The following SGCZ variants were observed in gnomAD, a reference collection of about 807,000 sequenced individuals.
SGCZ encodes sarcoglycan zeta.
SGCZ carries 40 observed loss-of-function variants against 41.3 expected under a neutral mutation model. That is an observed-to-expected ratio of 0.97 (90% confidence interval 0.75 to 1.26). SGCZ has a LOEUF of 1.26. Ranked by LOEUF, SGCZ falls within the 50% of genes most tolerant of loss-of-function variation. SGCZ has a pLI of 0.00. For missense variants in SGCZ, 552 were observed against 369.8 expected (o/e 1.49, Z -4.04); for synonymous variants, 206 against 137.5 (o/e 1.50, Z -3.49).
intron 1 of SGCZ, among the ~76,000 whole-genome samples, chr8:14,670,031 T>C (rs376424336): frequency 6.6e-6 from 1 of 152,206 alleles, no homozygotes. Context: ...TAAGTTTATA[T>C]CTTTTTCAGC....
intron 3 of SGCZ, among the ~76,000 whole-genome samples, chr8:14,302,071 T>C (rs1365354097): frequency 6.6e-6 from 1 of 152,190 alleles, no homozygotes; most frequent in African/African-American, 2.4e-5. Context: ...GTCTTCTCTT[T>C]CTCTAAGATT....
intron 1 of SGCZ, among the ~76,000 whole-genome samples, chr8:15,134,720 G>C (rs1272157435): frequency 6.6e-6 from 1 of 152,162 alleles, no homozygotes; most frequent in African/African-American, 2.4e-5. Context: ...TGACACACTT[G>C]TGTTTGACAA....
At chr8:15,162,146 T>A (rs1799528800) in intron 1 of SGCZ, among the ~76,000 whole-genome samples, 1 of 152,230 alleles carries the variant, frequency 6.6e-6, no homozygotes, top group Admixed American at 6.5e-5. Flanking sequence ...TGATATTTTG[T>A]GTGCCTCATT....
chr8:14,781,819 G>A (rs1421327329), intron 1 of SGCZ, among the ~76,000 whole-genome samples: 1 of 152,020 alleles, frequency 6.6e-6, no homozygotes, highest in African/African-American at 2.4e-5. Context: ...CTATAGTTGG[G>A]CAAAATCATT....
chr8:14,098,712 T>A (rs1563124737), intron 7 of SGCZ, among the ~76,000 whole-genome samples: 1 of 152,044 alleles, frequency 6.6e-6, no homozygotes, highest in African/African-American at 2.4e-5. Flanking sequence ...ATAACACAAT[T>A]AAGGAGGGGG....
intron 5 of SGCZ, among the ~76,000 whole-genome samples, chr8:14,145,333 G>T (rs903963116): frequency 9.9e-5 from 15 of 152,110 alleles, no homozygotes; most frequent in Non-Finnish European, 2.1e-4. Context: ...GGCTTAATAT[G>T]CAGATACTAA....
chr8:14,960,584 G>C (rs180748417), intron 1 of SGCZ, among the ~76,000 whole-genome samples: 183 of 152,174 alleles, frequency 1.2e-3, no homozygotes, highest in African/African-American at 4.3e-3. Context: ...AGCTACAATA[G>C]TCACTGTTCT....
chr8:15,031,579 A>G lies in SGCZ; in HGVS notation c.39+206006T>C, dbSNP rs116117641. Among the ~76,000 whole-genome samples, 856 of 152,278 alleles carry G rather than the reference A, an allele frequency of 5.6e-3. 5 individuals are homozygous for G. Among genetic ancestry groups the G allele is most frequent in the African/African-American group, 0.02 (819 of 41,548 alleles). On this transcript the variant is annotated intron_variant, in intron 1 of 7. Transcript: ENST00000382080. ...TGTGAGGTGGAAACTAATGGCCAAG[A>G]AAGTCAAGGAATATGTGCAAGGTTG...
chr8:14,911,436 C>T (rs1799277432), intron 1 of SGCZ, among the ~76,000 whole-genome samples: 1 of 152,018 alleles, frequency 6.6e-6, no homozygotes, highest in African/African-American at 2.4e-5. Context: ...CAGCTGCACA[C>T]TGAAGAAAGT....
intron 3 of SGCZ, among the ~76,000 whole-genome samples, chr8:14,253,175 T>G (rs1301661566): frequency 6.6e-6 from 1 of 151,750 alleles, no homozygotes; most frequent in South Asian, 2.1e-4. Flanking sequence ...GAGAACAAGA[T>G]AGAACTTAGA....
At chr8:14,319,472 C>G (rs192301537) in intron 3 of SGCZ, 7 of 152,122 alleles carry the variant, frequency 4.6e-5, no homozygotes, top group South Asian at 2.1e-4. Flanking sequence ...ACAGTTCTTT[C>G]AGAATCTGTC....
chr8:14,756,880 G>GGTAAGTATCACACTC (rs1799688445), intron 1 of SGCZ, among the ~76,000 whole-genome samples: 1 of 152,058 alleles, frequency 6.6e-6, no homozygotes, highest in African/African-American at 2.4e-5. Flanking sequence ...GTATCACAGT[G>GGTAAGTATCACACTC]GTAAGTATCA....
At chr8:14,938,462 G>C (rs1047200157) in intron 1 of SGCZ, among the ~76,000 whole-genome samples, 3 of 152,096 alleles carry the variant, frequency 2.0e-5, no homozygotes, top group African/African-American at 7.2e-5. Flanking sequence ...TCAATGAATA[G>C]TAAATATATT....
Position 14,085,347 on chromosome 8 carries a change from A to G in SGCZ, c.*5096T>C, listed in dbSNP as rs567294688. ...GGACCTGATTTAAAGAATTGTATAA[A>G]TAACGAGACACTCAAACTCCAGATT... On this transcript the variant is annotated 3_prime_UTR_variant, in exon 8 of 8. Coordinates refer to ENST00000382080, the MANE Select transcript of SGCZ (RefSeq NM_139167.4). 2.6e-4 allele frequency among the ~76,000 whole-genome samples: 40 copies of G among 151,860 alleles called. No homozygotes were observed. The highest frequency in any genetic ancestry group is 4.6e-4 in the Non-Finnish European group (31 of 67,838).
At chr8:14,091,301 G>A (rs1209545822) in intron 7 of SGCZ, among the ~76,000 whole-genome samples, 2 of 151,992 alleles carry the variant, frequency 1.3e-5, no homozygotes, top group African/African-American at 2.4e-5. Context: ...AAACTTAAGT[G>A]TGCATGTGTC....
At chr8:14,679,073 G>A (rs11203663) in intron 1 of SGCZ, among the ~76,000 whole-genome samples, 83,891 of 151,862 alleles carry the variant, frequency 0.55, 24,488 homozygotes, top group East Asian at 0.76. Context: ...TCATACTGTC[G>A]TAAACTCATA....
chr8:14,486,666 T>A (rs1187402942), intron 2 of SGCZ, among the ~76,000 whole-genome samples: 1 of 152,116 alleles, frequency 6.6e-6, no homozygotes, highest in Non-Finnish European at 1.5e-5. Context: ...CTCAACCTCC[T>A]GGGATCAAGC....
At chr8:15,231,521 G>A (rs1026597655) in intron 1 of SGCZ, among the ~76,000 whole-genome samples, 5 of 150,108 alleles carry the variant, frequency 3.3e-5, no homozygotes, top group African/African-American at 1.2e-4. Context: ...CAGTTTCACT[G>A]AGAATATAGA....
At chr8:15,077,175 A>G (rs895736725) in intron 1 of SGCZ, among the ~76,000 whole-genome samples, 1 of 152,194 alleles carries the variant, frequency 6.6e-6, no homozygotes, top group Non-Finnish European at 1.5e-5. Flanking sequence ...TTGAAGATAT[A>G]CTTGACCAAA....
Sources: gnomAD v4.1 joint callset for allele counts (sites outside exome capture counted in the v4.1 genomes callset) on GRCh38, gnomAD v4.1.1 for gene constraint, MANE v1.5 for transcripts, NCBI Gene and HGNC (gene_info 2026-07-23, HGNC 2026-07-21) for gene names.